Variants in EFL1 observed in about 807,000 individuals in gnomAD.
EFL1 encodes the protein elongation factor-like GTPase 1.
In EFL1, 76 loss-of-function variants were observed where a neutral mutation model predicts 126.7. The observed-to-expected ratio is 0.60, with a 90% CI of 0.50 to 0.73. The LOEUF is 0.73. Ranked by LOEUF, EFL1 falls within the 30% of genes least tolerant of loss-of-function variation. The pLI is 0.00. For missense variants in EFL1, 1,128 were observed against 1,343.2 expected (o/e 0.84, Z 2.50); for synonymous variants, 410 against 448.4 (o/e 0.91, Z 1.08).
At chr15:82,227,610 G>A in intron 10 of EFL1, 38 bp from the exon 11 acceptor site, 1 of 1,613,204 alleles carries the variant, frequency 6.2e-7, no homozygotes, top group East Asian at 2.2e-5. Flanking sequence ...CCTTGAGCCA[G>A]TGCCTCCCAC....
chr15:82,230,751 A>T, intron 8 of EFL1, 97 bp downstream of exon 8: 1 of 1,432,898 alleles, frequency 7.0e-7, no homozygotes, highest in Non-Finnish European at 9.3e-7. Flanking sequence ...CACCTGCATA[A>T]ATTAAAGCTG....
At position 82,152,389 on chromosome 15, in the gene EFL1, T is replaced by C. The variant is rs1428817913; in HGVS notation, c.2065A>G (p.Ile689Val). 1.9e-6 allele frequency: 3 copies of C among 1,612,478 alleles called. No individual in the cohort carries two copies. Residue 689 changes from isoleucine to valine, a missense_variant, in exon 18 of 20, where the codon ATT (isoleucine) becomes GTT (valine). Ile to Val is a conservative substitution (Grantham distance 29, BLOSUM62 3). Coordinates refer to ENST00000268206, the MANE Select transcript of EFL1 (RefSeq NM_024580.6). The part of the protein sequence containing the change: ...AKIHISVSEP[I>V]IPFRETITKP... ...GTGATTGTTTCTCTGAATGGAATAA[T>C]AGGTTCAGATACACTGATATGAATC...
intron 15 of EFL1, among the ~76,000 whole-genome samples, chr15:82,166,866 A>C (rs936498268): frequency 2.0e-5 from 3 of 152,194 alleles, no homozygotes; most frequent in Admixed American, 1.3e-4. Context: ...CACTTTAGTG[A>C]AAATTATAAC....
intron 4 of EFL1, among the ~76,000 whole-genome samples, chr15:82,251,801 T>A (rs1229548708): frequency 6.6e-6 from 1 of 152,194 alleles, no homozygotes; most frequent in Non-Finnish European, 1.5e-5. Context: ...TGTAAGTCCA[T>A]TAGGGAAATA....
At chr15:82,197,051 T>G (rs2141277408) in intron 15 of EFL1, among the ~76,000 whole-genome samples, 1 of 151,516 alleles carries the variant, frequency 6.6e-6, no homozygotes, top group African/African-American at 2.4e-5. Flanking sequence ...AAAAAAAAAT[T>G]GTGGCATCAT....
At chr15:82,185,090 C>T (rs916715482) in intron 15 of EFL1, among the ~76,000 whole-genome samples, 1 of 152,048 alleles carries the variant, frequency 6.6e-6, no homozygotes, top group Admixed American at 6.5e-5. Flanking sequence ...TAAGTTTTGA[C>T]TATTTACAAA....
At chr15:82,233,716 T>A (rs1011185898) in intron 7 of EFL1, 6 of 152,156 alleles carry the variant, frequency 3.9e-5, no homozygotes, top group African/African-American at 1.4e-4. Flanking sequence ...CAGATTAACA[T>A]CAATTAACAG....
rs4725 is a variant in EFL1 at position 82,151,598 on chromosome 15, G to A, written c.2856C>T (p.Asp952=). 0.3 allele frequency: 488,155 copies of A among 1,613,878 alleles called. 78,750 individuals are homozygous for A. Among genetic ancestry groups the A allele is most frequent in the African/African-American group, 0.55 (41,115 of 74,888 alleles). ...GCTGTCCTGAGAAAGGTCCATAGCAGTCAGTGAGTGGAGATTCTCCTTTCT... is the reference window on the plus strand; with the variant it reads ...GCTGTCCTGAGAAAGGTCCATAGCAATCAGTGAGTGGAGATTCTCCTTTCT... ...TSQKGESPLT[D]CYGPFSGQLI... is the part of the protein sequence containing the mutation. Residue 952 remains aspartate (D), a synonymous_variant, in exon 18 of 20, where the codon GAC becomes GAT. Transcript: ENST00000268206.
rs1822189645 is a variant in EFL1, at chr15:82,219,665, T to C, written c.1598A>G (p.Glu533Gly). ...TTCAATTCTTACCCTTCGTAAAAACTCAAGAGGACTGTATTTGGGCCCCAA... is the reference window on the plus strand; with the variant it reads ...TTCAATTCTTACCCTTCGTAAAAACCCAAGAGGACTGTATTTGGGCCCCAA... ...FVLGPKYSPL[E>G]FLRRVPLGFS... The change falls in exon 14 of 20, where the codon GAG (glutamate) becomes GGG (glycine). Residue 533 changes from glutamate to glycine, a missense_variant. By Grantham distance (98) the Glu-to-Gly change is moderately conservative (BLOSUM62 -2). Around this residue, in one of 6 missense-constraint regions of EFL1, gnomAD observed 120 missense variants for 142.1 expected, o/e 0.84. Transcript: ENST00000268206. 3 of 1,609,494 alleles carry C rather than the reference T, an allele frequency of 1.9e-6. No individual in the cohort carries two copies. The highest frequency in any genetic ancestry group is 2.5e-6 in the Non-Finnish European group (3 of 1,178,796).
At chr15:82,245,481 A>T (rs2074963757) in intron 4 of EFL1, among the ~76,000 whole-genome samples, 1 of 152,130 alleles carries the variant, frequency 6.6e-6, no homozygotes, top group Admixed American at 6.5e-5. Context: ...TTATATTTTA[A>T]ATCAATGTAT....
At chr15:82,260,561 T>C (rs966089876) in intron 2 of EFL1, among the ~76,000 whole-genome samples, 3 of 152,238 alleles carry the variant, frequency 2.0e-5, no homozygotes, top group African/African-American at 7.2e-5. Context: ...TGCCTAATAG[T>C]AGACATTAAT....
intron 15 of EFL1, among the ~76,000 whole-genome samples, chr15:82,208,187 A>G (rs368756679): frequency 6.6e-6 from 1 of 152,250 alleles, no homozygotes; most frequent in African/African-American, 2.4e-5. Flanking sequence ...CAGAACTGAA[A>G]ATGAGAAAGA....
Position 82,238,486 on chromosome 15 carries a change from T to A in EFL1, c.552A>T (p.Lys184Asn). ...CCCTCTCTGCTCTTTCTTCTAGGACTTTAGAAGTAAAAAGAGTCCCTGTGA... is the reference window on the plus strand; with the variant it reads ...CCCTCTCTGCTCTTTCTTCTAGGACATTAGAAGTAAAAAGAGTCCCTGTGA... ...NALTGTLFTS[K>N]VLEERAERET... Residue 184 changes from lysine (K) to asparagine (N), a missense_variant, in exon 7 of 20, where the codon AAA (lysine) becomes AAT (asparagine). Physicochemically the swap from Lys to Asn is moderately conservative, Grantham distance 94. Coordinates refer to ENST00000268206, the MANE Select transcript of EFL1 (RefSeq NM_024580.6). 6.2e-7 allele frequency: 1 copy of A among 1,613,772 alleles called. No individual in the cohort carries two copies. The highest frequency in any genetic ancestry group is 8.5e-7 in the Non-Finnish European group (1 of 1,179,878).
intron 7 of EFL1, among the ~76,000 whole-genome samples, chr15:82,233,198 T>G (rs2074840203): frequency 6.6e-6 from 1 of 152,208 alleles, no homozygotes; most frequent in South Asian, 2.1e-4. Context: ...TTCTTTTTTA[T>G]CCCGTAGTTA....
chr15:82,202,340 CA>C (rs1238322655), intron 15 of EFL1, among the ~76,000 whole-genome samples: 2 of 152,000 alleles, frequency 1.3e-5, no homozygotes, highest in African/African-American at 2.4e-5. Flanking sequence ...AAATAAATGA[CA>C]TTTTTTAAAA....
At chr15:82,166,921 G>A (rs996144463) in intron 15 of EFL1, among the ~76,000 whole-genome samples, 18 of 152,154 alleles carry the variant, frequency 1.2e-4, no homozygotes, top group Non-Finnish European at 8.8e-5. Flanking sequence ...ATTTGCTAAA[G>A]CATTTTTCAA....
At chr15:82,260,913 A>G (rs1409437508) in intron 2 of EFL1, among the ~76,000 whole-genome samples, 1 of 152,198 alleles carries the variant, frequency 6.6e-6, no homozygotes, top group Non-Finnish European at 1.5e-5. Context: ...GGTTACCTAA[A>G]CTACCAAGAG....
intron 6 of EFL1, among the ~76,000 whole-genome samples, chr15:82,238,758 T>G (rs2074900459): frequency 6.6e-6 from 1 of 152,198 alleles, no homozygotes; most frequent in Non-Finnish European, 1.5e-5. Flanking sequence ...ATTATTATTA[T>G]TAGTTTAATG....
At chr15:82,194,735 G>C (rs1241025749) in intron 15 of EFL1, among the ~76,000 whole-genome samples, 1 of 152,134 alleles carries the variant, frequency 6.6e-6, no homozygotes, top group Non-Finnish European at 1.5e-5. Flanking sequence ...ACGTTGTAAG[G>C]CCTCCCTAGT....
Sources: gnomAD v4.1 joint callset for allele counts (sites outside exome capture counted in the v4.1 genomes callset) on GRCh38, gnomAD v4.1.1 for gene constraint, gnomAD v4.1.1 regional missense constraint, MANE v1.5 for transcripts, NCBI Gene and HGNC (gene_info 2026-07-23, HGNC 2026-07-21) for gene names.